ATP8B4: variants seen among roughly 807,000 people sequenced by gnomAD.
The protein encoded by ATP8B4 is ATPase phospholipid transporting 8B4 (putative).
Under a neutral mutation model 145.6 loss-of-function variants are expected in ATP8B4, and 133 were observed. That is an observed-to-expected ratio of 0.91 (90% CI 0.79 to 1.05). The LOEUF (loss-of-function observed/expected upper bound fraction) is 1.05, where lower values mean the gene tolerates loss of function less well. ATP8B4 is among the 50% of genes least tolerant of loss of function. ATP8B4 has a pLI of 0.00. For missense variants in ATP8B4, 1,458 were observed against 1,425.2 expected (o/e 1.02, Z -0.37); for synonymous variants, 507 against 492.9 (o/e 1.03, Z -0.38).
intron 23 of ATP8B4, among the ~76,000 whole-genome samples, chr15:49,886,542 TTTATTTC>T (rs1246540683): frequency 6.6e-6 from 1 of 152,230 alleles, no homozygotes; most frequent in Non-Finnish European, 1.5e-5. Context: ...ACCATAGATA[TTTATTTC>T]TATAATAAAC....
At chr15:50,121,868 A>G (rs1367768667), upstream of ATP8B4, among the ~76,000 whole-genome samples, 1 of 152,104 alleles carries the variant, frequency 6.6e-6, no homozygotes, top group Non-Finnish European at 1.5e-5. Flanking sequence ...GATCATCTCA[A>G]CTTGTCCTGA....
intron 10 of ATP8B4, 55 bp downstream of exon 10, chr15:49,987,336 G>T: frequency 6.4e-7 from 1 of 1,567,428 alleles, no homozygotes; most frequent in Non-Finnish European, 8.7e-7. Context: ...AGACTGTGCT[G>T]GTGTACGTTG....
intron 14 of ATP8B4, among the ~76,000 whole-genome samples, chr15:49,951,961 T>C (rs1668703059): frequency 6.6e-6 from 1 of 152,182 alleles, no homozygotes; most frequent in Non-Finnish European, 1.5e-5. Flanking sequence ...AATCTTAGTT[T>C]GGCTGGATAC....
At chr15:50,001,887 T>C (rs72623974) in intron 8 of ATP8B4, among the ~76,000 whole-genome samples, 30,619 of 152,032 alleles carry the variant, frequency 0.2, 3,489 homozygotes, top group East Asian at 0.34. Flanking sequence ...GCAAAAACTT[T>C]TTTTAAAAAA....
intron 3 of ATP8B4, among the ~76,000 whole-genome samples, chr15:50,057,058 G>T (rs530466095): frequency 6.6e-6 from 1 of 152,158 alleles, no homozygotes; most frequent in South Asian, 2.1e-4. Flanking sequence ...TGAGGAACAT[G>T]CTCATAAACT....
chr15:50,144,097 C>G (rs567046106), intron 1 of ATP8B4, among the ~76,000 whole-genome samples: 31 of 152,284 alleles, frequency 2.0e-4, no homozygotes, highest in Non-Finnish European at 4.1e-4. Flanking sequence ...AGGAAACATA[C>G]TAGGTCAGGG....
At chr15:49,991,242 C>G (rs113200700) in intron 9 of ATP8B4, among the ~76,000 whole-genome samples, 6 of 152,144 alleles carry the variant, frequency 3.9e-5, no homozygotes, top group Non-Finnish European at 8.8e-5. Context: ...TACACACATG[C>G]TATTCTTTAG....
chr15:49,860,583 A>G (rs2031489475), intron 27 of ATP8B4, 108 bp from the exon 28 acceptor site: 2 of 1,298,890 alleles, frequency 1.5e-6, no homozygotes, highest in Admixed American at 2.6e-5. Context: ...TAAAAACAAC[A>G]TTGCAAAAGG....
intron 2 of ATP8B4, among the ~76,000 whole-genome samples, chr15:50,105,867 G>A (rs577533515): frequency 6.6e-6 from 1 of 152,204 alleles, no homozygotes; most frequent in South Asian, 2.1e-4. Flanking sequence ...ACTTGTTTGT[G>A]TTAAAGTCAG....
chr15:50,140,709 A>AT (rs1362364900), intron 1 of ATP8B4, among the ~76,000 whole-genome samples: 2 of 152,202 alleles, frequency 1.3e-5, no homozygotes, highest in Non-Finnish European at 2.9e-5. Context: ...CTGACATATG[A>AT]TTTTTACTAT....
chr15:49,953,113 G>A (rs761364078), intron 14 of ATP8B4, among the ~76,000 whole-genome samples: 1 of 152,056 alleles, frequency 6.6e-6, no homozygotes, highest in Admixed American at 6.6e-5. Context: ...ACCTCGAGGG[G>A]CACCAACCTG....
At chr15:49,894,488 A>C (rs1247706552) in intron 23 of ATP8B4, among the ~76,000 whole-genome samples, 1 of 152,186 alleles carries the variant, frequency 6.6e-6, no homozygotes, top group Non-Finnish European at 1.5e-5. Context: ...TCAGACAAGA[A>C]CCAGCCAAAA....
At position 49,958,615 on chromosome 15, in the gene ATP8B4, C is replaced by G. The variant is rs551018796; in HGVS notation, c.1287+3362G>C. ...ACCTATGAGTCTTTTCAAATAAATG[C>G]GAAAAGAAATATGAATTTAAAAGAC... is the stretch of plus-strand genomic sequence containing the variant. On this transcript the variant is annotated intron_variant, in intron 14 of 27. Transcript: ENST00000284509. Among the ~76,000 whole-genome samples the G allele has an allele frequency of 2.1e-4, 31 of 150,994 alleles. 1 individual carries two copies. The highest frequency in any genetic ancestry group is 1.7e-3 in the East Asian group (9 of 5,152).
At chr15:50,098,323 AC>A (rs1254045535) in intron 2 of ATP8B4, among the ~76,000 whole-genome samples, 1 of 110,076 alleles carries the variant, frequency 9.1e-6, no homozygotes, top group African/African-American at 3.6e-5. Flanking sequence ...ATAGGGTCTC[AC>A]TCTGTCACAC....
intron 3 of ATP8B4, 103 bp downstream of exon 3, chr15:50,074,024 A>T (rs1161743020): frequency 1.1e-6 from 1 of 940,476 alleles, no homozygotes; most frequent in Non-Finnish European, 1.6e-6. Context: ...TGGGCCAATG[A>T]AGAAAGTTTT....
chr15:49,887,764 G>C (rs1223079587), intron 23 of ATP8B4, among the ~76,000 whole-genome samples: 1 of 151,896 alleles, frequency 6.6e-6, no homozygotes, highest in Non-Finnish European at 1.5e-5. Flanking sequence ...CAATTTATCA[G>C]CCTTATCAAC....
intron 23 of ATP8B4, chr15:49,880,794 T>G (rs1256403633): frequency 6.6e-6 from 1 of 150,420 alleles, no homozygotes; most frequent in East Asian, 2.0e-4. Flanking sequence ...GACATGCTGA[T>G]AAATGTTTAA....
At chr15:49,880,105 C>T (rs2035155777) in intron 23 of ATP8B4, 1 of 152,148 alleles carries the variant, frequency 6.6e-6, no homozygotes, top group Non-Finnish European at 1.5e-5. Context: ...GTTGTGGAAA[C>T]AGAACCTTTC....
intron 1 of ATP8B4, among the ~76,000 whole-genome samples, chr15:50,149,198 A>G (rs147188929): frequency 2.0e-5 from 3 of 152,336 alleles, no homozygotes; most frequent in Non-Finnish European, 4.4e-5. Flanking sequence ...AGATAATGCC[A>G]TGATTGATTG....
Sources: allele counts gnomAD v4.1 joint callset (sites outside exome capture counted in the v4.1 genomes callset), GRCh38; gene constraint gnomAD v4.1.1; transcripts MANE v1.5; gene names NCBI Gene and HGNC (gene_info 2026-07-23, HGNC 2026-07-21).